The following NOSTRIN variants were observed in gnomAD, a reference collection of about 807,000 sequenced individuals.
The protein encoded by NOSTRIN is nitric oxide synthase trafficking, also known as BM247 homolog.
Under a neutral mutation model 59.0 loss-of-function variants are expected in NOSTRIN, and 63 were observed. That is an observed-to-expected ratio of 1.07 (90% CI 0.87 to 1.32). NOSTRIN has a LOEUF of 1.32. Among genes scored for constraint, NOSTRIN ranks in the 40% most tolerant of loss-of-function variants. The pLI is 0.00. For missense variants in NOSTRIN, 512 were observed against 473.1 expected (o/e 1.08, Z -0.76); for synonymous variants, 200 against 165.4 (o/e 1.21, Z -1.61).
At chr2:168,797,236 C>T (rs1420170938), upstream of NOSTRIN, among the ~76,000 whole-genome samples, 2 of 151,692 alleles carry the variant, frequency 1.3e-5, no homozygotes, top group Admixed American at 6.6e-5. Context: ...ACTACAGGTA[C>T]GTACCACCAT....
chr2:168,809,735 T>G (rs956301812), intron 1 of NOSTRIN, among the ~76,000 whole-genome samples: 15 of 147,850 alleles, frequency 1.0e-4, no homozygotes, highest in African/African-American at 3.7e-4. Context: ...ATTATATTAT[T>G]TTATTAAAAT....
intron 2 of NOSTRIN, among the ~76,000 whole-genome samples, chr2:168,792,727 G>A (rs538498136): frequency 6.6e-6 from 1 of 152,160 alleles, no homozygotes; most frequent in South Asian, 2.1e-4. Flanking sequence ...TGATCCACCT[G>A]CCTCGGCCTC....
chr2:168,843,257 A>G, intron 8 of NOSTRIN, 140 bp downstream of exon 8: 1 of 543,460 alleles, frequency 1.8e-6, no homozygotes, highest in Non-Finnish European at 3.3e-6. Flanking sequence ...GACAAACCAC[A>G]TTTCCTCTCA....
intron 2 of NOSTRIN, among the ~76,000 whole-genome samples, chr2:168,789,158 T>A (rs1264550307): frequency 6.6e-6 from 1 of 152,102 alleles, no homozygotes; most frequent in Non-Finnish European, 1.5e-5. Flanking sequence ...GAAAGCAAAG[T>A]AGTACTTAAA....
Position 168,841,235 on chromosome 2 carries a change from C to CAA in NOSTRIN, c.505-1732_505-1731dup, listed in dbSNP as rs57480764. Among the ~76,000 whole-genome samples the CAA allele has an allele frequency of 7.9e-3, 840 of 106,332 alleles. 37 individuals are homozygous for CAA. The highest frequency in any genetic ancestry group is 0.025 in the African/African-American group (720 of 28,318). 69.8% of individuals were successfully genotyped at this position (106,332 alleles called of 152,430 possible). Reference sequence around the variant, plus strand: ...GGGTGACAGAGCCAGACCCTGTCTCCAAAAAAAAAAAAAAAAAAAAAAAAA... The same window carrying CAA: ...GGGTGACAGAGCCAGACCCTGTCTCCAAAAAAAAAAAAAAAAAAAAAAAAAAA... On this transcript the variant is annotated intron_variant, in intron 7 of 15. Transcript: ENST00000317647.
chr2:168,861,322 C>T (rs1689432462), intron 14 of NOSTRIN, among the ~76,000 whole-genome samples: 1 of 152,110 alleles, frequency 6.6e-6, no homozygotes, highest in Non-Finnish European at 1.5e-5. Flanking sequence ...GACTCATGGC[C>T]TACAAACTCC....
intron 13 of NOSTRIN, 60 bp from the exon 14 acceptor site, chr2:168,860,735 T>G (rs1022921394): frequency 1.1e-5 from 12 of 1,075,370 alleles, no homozygotes; most frequent in Non-Finnish European, 1.3e-5. Context: ...AAGAGTTAAT[T>G]TTCATGAATG....
upstream of NOSTRIN, among the ~76,000 whole-genome samples, chr2:168,797,079 C>CTTTTTTCTT (rs1553519716): frequency 1.3e-5 from 1 of 75,054 alleles, no homozygotes; most frequent in Non-Finnish European, 2.5e-5. Flanking sequence ...TTTCTTTTTT[C>CTTTTTTCTT]TTTTTTTTTT....
chr2:168,813,989 T>C (rs189186804), intron 2 of NOSTRIN, among the ~76,000 whole-genome samples: 1 of 152,324 alleles, frequency 6.6e-6, no homozygotes, highest in Admixed American at 6.5e-5. Context: ...GCTTTCAAGT[T>C]TCCTCCCCTT....
chr2:168,857,384 T>C (rs1423786797), intron 12 of NOSTRIN, among the ~76,000 whole-genome samples: 1 of 152,110 alleles, frequency 6.6e-6, no homozygotes, highest in Non-Finnish European at 1.5e-5. Flanking sequence ...AATAGGGCAG[T>C]CTGGTGTGTG....
At chr2:168,809,174 G>A (rs1333722167) in intron 1 of NOSTRIN, among the ~76,000 whole-genome samples, 1 of 152,060 alleles carries the variant, frequency 6.6e-6, no homozygotes, top group Non-Finnish European at 1.5e-5. Context: ...AGAGTTGAGG[G>A]CTCGTGTGGT....
chr2:168,797,054 TTTTC>T (rs1186337573), upstream of NOSTRIN, among the ~76,000 whole-genome samples: 4 of 149,376 alleles, frequency 2.7e-5, no homozygotes, highest in Admixed American at 6.9e-5. Flanking sequence ...CATACTTTTC[TTTTC>T]TTTCTTTCTT....
chr2:168,822,590 T>A (rs996932870), intron 2 of NOSTRIN, among the ~76,000 whole-genome samples: 1 of 152,230 alleles, frequency 6.6e-6, no homozygotes, highest in Non-Finnish European at 1.5e-5. Flanking sequence ...ACTCTTAGGA[T>A]CTATATTAAA....
rs557169473 is a variant in NOSTRIN at position 168,838,221 on chromosome 2, A to C, written c.504+3896A>C. On this transcript the variant is annotated intron_variant, in intron 7 of 15. Coordinates refer to ENST00000317647, the MANE Select transcript of NOSTRIN (RefSeq NM_001039724.4). ...TTTTTTTCTACCAAAGATAATCTTT[A>C]TTCCTGTGTTCTCTGTGTCTTTGAA... is the stretch of plus-strand genomic sequence containing the variant. Among the ~76,000 whole-genome samples the C allele has an allele frequency of 4.0e-4, 61 of 152,306 alleles. No homozygotes were observed. The South Asian group carries it at 0.012, about 31-fold the overall frequency.
chr2:168,849,118 C>G (rs1688597042), intron 8 of NOSTRIN, among the ~76,000 whole-genome samples: 1 of 152,154 alleles, frequency 6.6e-6, no homozygotes, highest in Non-Finnish European at 1.5e-5. Context: ...ATCTTTGTGA[C>G]TCTCCATTCT....
chr2:168,851,633 T>C (rs1447716304), intron 10 of NOSTRIN, among the ~76,000 whole-genome samples: 3 of 152,252 alleles, frequency 2.0e-5, no homozygotes, highest in African/African-American at 7.2e-5. Context: ...TTAAACAGAA[T>C]CTTCATATTC....
upstream of NOSTRIN, among the ~76,000 whole-genome samples, chr2:168,796,517 G>T (rs1437872654): frequency 1.3e-5 from 2 of 152,152 alleles, no homozygotes; most frequent in Non-Finnish European, 2.9e-5. Context: ...AATTCTCTTA[G>T]ATGTTCTTGG....
intron 7 of NOSTRIN, among the ~76,000 whole-genome samples, chr2:168,839,898 A>ATAT (rs1329203800): frequency 2.2e-5 from 1 of 46,230 alleles, no homozygotes; most frequent in Admixed American, 1.9e-4. Context: ...AAAAAAAAAA[A>ATAT]AAATATATAT....
chr2:168,856,231 T>A (rs1349870944), intron 11 of NOSTRIN: 1 of 216,414 alleles, frequency 4.6e-6, no homozygotes, highest in Non-Finnish European at 9.3e-6. Context: ...CATTTATCAT[T>A]CAGTCAAATT....
Sources: gnomAD v4.1 joint callset for allele counts (sites outside exome capture counted in the v4.1 genomes callset) on GRCh38, gnomAD v4.1.1 for gene constraint, MANE v1.5 for transcripts, NCBI Gene and HGNC (gene_info 2026-07-23, HGNC 2026-07-21) for gene names.